The following ARNT2 variants were observed in gnomAD, a reference collection of about 807,000 sequenced individuals.
The protein encoded by ARNT2 is ARNT protein 2.
A neutral mutation model predicts 91.7 loss-of-function variants in ARNT2; 36 were observed. The observed-to-expected ratio is 0.39, with a 90% CI of 0.30 to 0.52. ARNT2 has a LOEUF of 0.52. ARNT2 is among the 20% of genes least tolerant of loss of function. The pLI, the probability that ARNT2 is intolerant of heterozygous loss-of-function variation, is 0.72. For missense variants in ARNT2, 775 were observed against 939.3 expected, an observed-to-expected ratio of 0.83 and a Z score of 2.29; for synonymous variants, 365 against 347.1, an observed-to-expected ratio of 1.05 and a Z score of -0.57.
chr15:80,573,885 G>A (rs1465258072), intron 12 of ARNT2, among the ~76,000 whole-genome samples: 1 of 152,090 alleles, frequency 6.6e-6, no homozygotes, highest in African/African-American at 2.4e-5. Flanking sequence ...TTTGTTCTGC[G>A]GTATCTTTTG....
intron 8 of ARNT2, among the ~76,000 whole-genome samples, chr15:80,526,767 A>T (rs1897646788): frequency 6.6e-6 from 1 of 152,222 alleles, no homozygotes; most frequent in Admixed American, 6.5e-5. Context: ...TTTGGCTAGA[A>T]TCTGCTATGG....
intron 8 of ARNT2, among the ~76,000 whole-genome samples, chr15:80,536,466 T>G (rs1280815737): frequency 6.6e-6 from 1 of 152,220 alleles, no homozygotes; most frequent in Non-Finnish European, 1.5e-5. Context: ...AAGGGGAAGA[T>G]GGAGCCACCC....
chr15:80,582,992 C>T (rs909775280), intron 17 of ARNT2, among the ~76,000 whole-genome samples: 8 of 152,278 alleles, frequency 5.3e-5, no homozygotes, highest in South Asian at 4.1e-4. Context: ...TAGTCCTTCC[C>T]GGAAGCCCAG....
chr15:80,487,372 G>T (rs776703230), intron 5 of ARNT2, among the ~76,000 whole-genome samples: 1 of 152,334 alleles, frequency 6.6e-6, no homozygotes, highest in African/African-American at 2.4e-5. Context: ...GTGGCAGGTC[G>T]CCACACTGAG....
intron 1 of ARNT2, among the ~76,000 whole-genome samples, chr15:80,429,660 C>T (rs919355482): frequency 7.9e-5 from 12 of 152,264 alleles, no homozygotes; most frequent in African/African-American, 2.9e-4. Context: ...GTAGGAGGCT[C>T]GGACGTGTGA....
At chr15:80,461,938 G>GA (rs1896561683) in intron 3 of ARNT2, among the ~76,000 whole-genome samples, 1 of 152,120 alleles carries the variant, frequency 6.6e-6, no homozygotes, top group African/African-American at 2.4e-5. Context: ...TGTGTCTTTG[G>GA]AAAAATGCCG....
At position 80,574,969 on chromosome 15, in the gene ARNT2, T is replaced by C; in HGVS notation, c.1390-18T>C. Reference sequence around the variant, plus strand: ...TTACGCATGAGTTGCTGTTGTGTTTTATTTAATGTGCAAATAGGTCCCCGT... The same window carrying C: ...TTACGCATGAGTTGCTGTTGTGTTTCATTTAATGTGCAAATAGGTCCCCGT... On this transcript the variant is annotated intron_variant, in intron 13 of 18. Coordinates refer to ENST00000303329, the MANE Select transcript of ARNT2 (RefSeq NM_014862.4). 6.2e-7 allele frequency: 1 copy of C among 1,612,888 alleles called. No individual in the cohort carries two copies. The highest frequency in any genetic ancestry group is 8.5e-7 in the Non-Finnish European group (1 of 1,178,956).
intron 12 of ARNT2, among the ~76,000 whole-genome samples, chr15:80,572,647 G>A (rs556910816): frequency 3.3e-5 from 5 of 152,196 alleles, no homozygotes; most frequent in African/African-American, 7.2e-5. Flanking sequence ...GACCACGAAC[G>A]TGTCAGAGGA....
intron 1 of ARNT2, among the ~76,000 whole-genome samples, chr15:80,425,708 T>G (rs1895923309): frequency 1.3e-5 from 2 of 151,094 alleles, no homozygotes; most frequent in Admixed American, 1.3e-4. Flanking sequence ...CCTCCACCTG[T>G]TTTGGAGTGT....
intron 15 of ARNT2, chr15:80,580,156 G>A: frequency 2.1e-6 from 1 of 484,976 alleles, no homozygotes; most frequent in Non-Finnish European, 3.8e-6. Flanking sequence ...GAGACCCTGG[G>A]GAGAACGAGG....
intron 1 of ARNT2, among the ~76,000 whole-genome samples, chr15:80,448,114 T>C (rs1896332345): frequency 6.6e-6 from 1 of 152,204 alleles, no homozygotes; most frequent in Non-Finnish European, 1.5e-5. Flanking sequence ...TCACATACCT[T>C]GTCCTTAATT....
intron 1 of ARNT2, among the ~76,000 whole-genome samples, chr15:80,443,450 G>T (rs1178640145): frequency 6.6e-6 from 1 of 152,174 alleles, no homozygotes; most frequent in Non-Finnish European, 1.5e-5. Context: ...AATGCAGGAA[G>T]GTCAGGGGCG....
chr15:80,553,863 T>A lies in ARNT2; in HGVS notation c.1089+1089T>A, dbSNP rs192506292. ...AGAACTATTAGGACTCTGCATATAA[T>A]TCTGCATCTCTAGATTCATATAAAC... On this transcript the variant is annotated intron_variant, in intron 10 of 18. Coordinates refer to ENST00000303329, the MANE Select transcript of ARNT2 (RefSeq NM_014862.4). Among the ~76,000 whole-genome samples, 6 of 152,308 alleles carry A rather than the reference T, an allele frequency of 3.9e-5. No individual in the cohort carries two copies. The East Asian group carries it at 9.6e-4, about 24-fold the overall frequency.
intron 8 of ARNT2, among the ~76,000 whole-genome samples, chr15:80,519,167 G>A (rs1225870999): frequency 6.6e-6 from 1 of 152,164 alleles, no homozygotes; most frequent in Non-Finnish European, 1.5e-5. Flanking sequence ...GTAAATCAGT[G>A]AAAATGACCA....
chr15:80,590,382 C>T (rs892926537), intron 17 of ARNT2, among the ~76,000 whole-genome samples: 2 of 152,158 alleles, frequency 1.3e-5, no homozygotes, highest in African/African-American at 2.4e-5. Context: ...ATCTCAAAAA[C>T]GTTTTTAGAC....
At position 80,597,136 on chromosome 15, in the gene ARNT2, G is replaced by C. The variant is rs894737524; in HGVS notation, c.*3438G>C. ...ATGTGACTACATGTTCTCCAGATTA[G>C]CCACACATGCAAACATCAGTGTCCT... On this transcript the variant is annotated 3_prime_UTR_variant, in exon 19 of 19. Transcript: ENST00000303329. 2.3e-5 allele frequency: 12 copies of C among 518,610 alleles called. No individual in the cohort carries two copies. The allele number at this position is 518,610 out of a possible 1,614,324, so 32.1% of individuals were successfully genotyped here. A position where few individuals can be genotyped will look rare whatever the true frequency, so the allele number is the denominator to read the frequency against.
chr15:80,510,169 G>A (rs908128772), intron 6 of ARNT2, among the ~76,000 whole-genome samples: 1 of 152,120 alleles, frequency 6.6e-6, no homozygotes. Flanking sequence ...TTCAGGCAGG[G>A]TGTGAGGAAA....
intron 17 of ARNT2, among the ~76,000 whole-genome samples, chr15:80,582,394 G>T (rs1007801873): frequency 3.9e-5 from 6 of 151,980 alleles, no homozygotes; most frequent in African/African-American, 1.4e-4. Flanking sequence ...TACTCAGGAG[G>T]CTAAGGTGGG....
intron 8 of ARNT2, among the ~76,000 whole-genome samples, chr15:80,539,006 CA>C (rs912979056): frequency 3.3e-5 from 5 of 150,872 alleles, no homozygotes; most frequent in African/African-American, 1.2e-4. Flanking sequence ...AAATTTGAAT[CA>C]AAAAAAATTT....
Sources: gnomAD v4.1 joint callset for allele counts (sites outside exome capture counted in the v4.1 genomes callset) on GRCh38, gnomAD v4.1.1 for gene constraint, MANE v1.5 for transcripts, NCBI Gene and HGNC (gene_info 2026-07-23, HGNC 2026-07-21) for gene names.